Variants in ME1 observed in about 807,000 individuals in gnomAD.
ME1 encodes NADP-dependent malic enzyme.
In ME1, 74 loss-of-function variants were observed where a neutral mutation model predicts 66.4. That is an observed-to-expected ratio of 1.11 (90% CI 0.92 to 1.35). ME1 has a LOEUF of 1.35. ME1 is among the 40% of genes most tolerant of loss of function. The probability of loss-of-function intolerance (pLI) is 0.00; values close to 1 mark genes in which losing one functional copy is unlikely to be tolerated. For synonymous variants in ME1, 251 were observed against 235.6 expected (o/e 1.07, Z -0.60); for missense variants, 750 against 694.1 (o/e 1.08, Z -0.90).
intron 6 of ME1, among the ~76,000 whole-genome samples, chr6:83,285,867 T>G (rs1767387646): frequency 6.6e-6 from 1 of 152,214 alleles, no homozygotes; most frequent in African/African-American, 2.4e-5. Context: ...AAGAGGCGAA[T>G]GCATAATTTT....
chr6:83,294,511 C>T (rs1767559545), intron 6 of ME1, among the ~76,000 whole-genome samples: 1 of 152,084 alleles, frequency 6.6e-6, no homozygotes, highest in Admixed American at 6.6e-5. Context: ...AAGCAGAGCC[C>T]CCTGCTCAGG....
Position 83,407,915 on chromosome 6 carries a change from AC to A in ME1, c.79-15del. On this transcript the variant is annotated splice_polypyrimidine_tract_variant and intron_variant, in intron 1 of 13. Coordinates refer to ENST00000369705, the MANE Select transcript of ME1 (RefSeq NM_002395.6). ...AAAGGCCAAGTCCTATAGAGAAAAAACACACACACACACACAACAGTATTTG... is the reference window on the plus strand; with the variant it reads ...AAAGGCCAAGTCCTATAGAGAAAAAAACACACACACACACAACAGTATTTG... 4 of 1,419,918 alleles carry A rather than the reference AC, an allele frequency of 2.8e-6. No homozygotes were observed. Among genetic ancestry groups the A allele is most frequent in the African/African-American group, 1.4e-5 (1 of 69,004 alleles). 88.0% of individuals were successfully genotyped at this position (1,419,918 alleles called of 1,614,324 possible). A position where few individuals can be genotyped will look rare whatever the true frequency, so the allele number is the denominator to read the frequency against.
chr6:83,289,083 T>A (rs1259849152), intron 6 of ME1, among the ~76,000 whole-genome samples: 1 of 152,246 alleles, frequency 6.6e-6, no homozygotes, highest in African/African-American at 2.4e-5. Context: ...TATACAATCA[T>A]GTCATCTGCA....
At chr6:83,356,137 G>T (rs1429594193) in intron 3 of ME1, among the ~76,000 whole-genome samples, 1 of 152,004 alleles carries the variant, frequency 6.6e-6, no homozygotes, top group African/African-American at 2.4e-5. Context: ...TTTATAACAT[G>T]CAACTTTCTA....
At chr6:83,281,500 G>A (rs926569944) in intron 6 of ME1, among the ~76,000 whole-genome samples, 2 of 152,006 alleles carry the variant, frequency 1.3e-5, no homozygotes, top group Non-Finnish European at 2.9e-5. Flanking sequence ...GTCAAGGCAA[G>A]GCTGAAAATC....
intron 6 of ME1, among the ~76,000 whole-genome samples, chr6:83,288,737 A>C (rs1290377081): frequency 6.6e-6 from 1 of 152,170 alleles, no homozygotes; most frequent in East Asian, 1.9e-4. Context: ...TCTATAAATT[A>C]CTTTGGGCAG....
At chr6:83,430,790 G>A in intron 1 of ME1, 87 bp downstream of exon 1, 1 of 1,201,580 alleles carries the variant, frequency 8.3e-7, no homozygotes, top group Non-Finnish European at 1.2e-6. Flanking sequence ...CGGCGGAGGG[G>A]CGAGGCCATG....
intron 7 of ME1, among the ~76,000 whole-genome samples, chr6:83,247,135 T>A (rs758266651): frequency 6.6e-6 from 1 of 152,140 alleles, no homozygotes; most frequent in Non-Finnish European, 1.5e-5. Context: ...CAAGTCAAAC[T>A]AGTTTATTAT....
rs866560059 is a variant in ME1 at position 83,279,004 on chromosome 6, C to T, written c.705-25266G>A. On this transcript the variant is annotated intron_variant, in intron 6 of 13. Coordinates refer to ENST00000369705, the MANE Select transcript of ME1 (RefSeq NM_002395.6). The stretch of plus-strand genomic sequence containing the variant: ...GACTATAGTAAACAACCCCTTCCCC[C>T]CCAACCCTATCACTGCCCCAACAGG... Among the ~76,000 whole-genome samples the T allele has an allele frequency of 2.0e-5, 3 of 152,098 alleles. No homozygotes were observed. In the East Asian group the frequency reaches 5.8e-4, roughly 29 times the overall value.
chr6:83,229,038 A>G (rs1790251400), intron 9 of ME1, 107 bp from the exon 10 acceptor site: 2 of 712,580 alleles, frequency 2.8e-6, no homozygotes, highest in Non-Finnish European at 4.9e-6. Context: ...TTTATGTATG[A>G]TGTGTTACAG....
At chr6:83,365,892 C>T (rs946302470) in intron 3 of ME1, among the ~76,000 whole-genome samples, 2 of 152,144 alleles carry the variant, frequency 1.3e-5, no homozygotes, top group African/African-American at 4.8e-5. Flanking sequence ...GTCCAGTTTA[C>T]CCTGACACTG....
At chr6:83,291,839 A>G (rs1249393665) in intron 6 of ME1, among the ~76,000 whole-genome samples, 1 of 151,212 alleles carries the variant, frequency 6.6e-6, no homozygotes, top group Admixed American at 6.6e-5. Context: ...TTTTTCTCTA[A>G]TCTTGTCTTC....
At chr6:83,273,480 A>G (rs1207529038) in intron 6 of ME1, among the ~76,000 whole-genome samples, 2 of 152,202 alleles carry the variant, frequency 1.3e-5, no homozygotes, top group African/African-American at 4.8e-5. Flanking sequence ...AAAACAATCA[A>G]CCACCTCAAC....
At chr6:83,367,767 CCATT>C (rs948192646) in intron 3 of ME1, among the ~76,000 whole-genome samples, 1 of 152,136 alleles carries the variant, frequency 6.6e-6, no homozygotes, top group Admixed American at 6.5e-5. Context: ...TCTATCCAGA[CCATT>C]CAAACTTTCT....
intron 1 of ME1, among the ~76,000 whole-genome samples, chr6:83,410,853 T>G (rs1378938185): frequency 6.6e-6 from 1 of 152,194 alleles, no homozygotes; most frequent in Non-Finnish European, 1.5e-5. Flanking sequence ...TGAAACTGAT[T>G]CCTAAATCTA....
chr6:83,246,487 T>C (rs1219464467), intron 7 of ME1, among the ~76,000 whole-genome samples: 2 of 152,158 alleles, frequency 1.3e-5, no homozygotes, highest in East Asian at 3.9e-4. Flanking sequence ...ATTCCATACC[T>C]ACTATTTTAA....
At chr6:83,403,745 T>C (rs1769879270) in intron 2 of ME1, among the ~76,000 whole-genome samples, 1 of 152,146 alleles carries the variant, frequency 6.6e-6, no homozygotes, top group South Asian at 2.1e-4. Flanking sequence ...AGTGAGAACA[T>C]GTGGTGTTTA....
rs1767104846 is a variant in ME1, at chr6:83,272,660, G to T, written c.705-18922C>A. Reference sequence around the variant, plus strand: ...TCAGCTACTTACCCCCTAAGTCCAAGGATTAGATTCAAACAACTAAATGCA... The same window carrying T: ...TCAGCTACTTACCCCCTAAGTCCAATGATTAGATTCAAACAACTAAATGCA... On this transcript the variant is annotated intron_variant, in intron 6 of 13. Transcript: ENST00000369705. Among the ~76,000 whole-genome samples the T allele has an allele frequency of 2.6e-5, 4 of 152,114 alleles. No homozygotes were observed. The South Asian group carries it at 8.3e-4, about 32-fold the overall frequency.
At chr6:83,236,497 G>A (rs1456002968) in intron 9 of ME1, among the ~76,000 whole-genome samples, 1 of 152,146 alleles carries the variant, frequency 6.6e-6, no homozygotes, top group Non-Finnish European at 1.5e-5. Flanking sequence ...CTTCACATAG[G>A]AAGGGGATTT....
Sources: allele counts gnomAD v4.1 joint callset (sites outside exome capture counted in the v4.1 genomes callset), GRCh38; gene constraint gnomAD v4.1.1; transcripts MANE v1.5; gene names NCBI Gene and HGNC (gene_info 2026-07-23, HGNC 2026-07-21).